ZNF518A: variants seen among roughly 807,000 people sequenced by gnomAD.
The protein encoded by ZNF518A is zinc finger protein 518.
In ZNF518A, 47 loss-of-function variants were observed where a neutral mutation model predicts 102.7. The observed-to-expected ratio is 0.46, with a 90% CI of 0.36 to 0.58. The LOEUF is 0.58. Among genes scored for constraint, ZNF518A ranks in the 20% least tolerant of loss-of-function variants. ZNF518A has a pLI of 0.00. For synonymous variants in ZNF518A, 652 were observed against 594.6 expected (o/e 1.10, Z -1.40); for missense variants, 1,793 against 1,699.8 (o/e 1.05, Z -0.96).
In ZNF518A at chr10:96,162,437, T is replaced by C. The variant is rs2083034859; in HGVS notation, c.*1663T>C. ...TACATATGTCAACTGTAACAGTAGG[T>C]CCCAAATGGGCCCATTCCCCTAATA... On this transcript the variant is annotated 3_prime_UTR_variant, in exon 6 of 6. Transcript: ENST00000316045. 6 of 166,954 alleles carry C rather than the reference T, an allele frequency of 3.6e-5. 1 individual carries two copies. In the South Asian group the frequency reaches 1.2e-3, roughly 35 times the overall value. The allele number at this position is 166,954 out of a possible 1,614,324, so 10.3% of individuals were successfully genotyped here. A position where few individuals can be genotyped will look rare whatever the true frequency, so the allele number is the denominator to read the frequency against.
intron 1 of ZNF518A, among the ~76,000 whole-genome samples, chr10:96,194,492 AGAG>A (rs1218208549): frequency 6.6e-6 from 1 of 152,224 alleles, no homozygotes; most frequent in African/African-American, 2.4e-5. Flanking sequence ...AAGCAAAAAT[AGAG>A]AAGACAATAT....
In ZNF518A at chr10:96,156,676, T is replaced by G; in HGVS notation, c.354T>G (p.Asn118Lys). ...EGVKMSAKIL[N>K]FSCLKCRDNT... ...TAAAAATGTCTGCAAAAATACTCAATTTCAGCTGTTTAAAATGCCGAGACA... is the reference window on the plus strand; with the variant it reads ...TAAAAATGTCTGCAAAAATACTCAAGTTCAGCTGTTTAAAATGCCGAGACA... The change falls in exon 6 of 6, where the codon AAT becomes AAG. Residue 118 changes from asparagine (N) to lysine (K), a missense_variant. By Grantham distance (94) the Asn-to-Lys change is moderately conservative. Transcript: ENST00000316045. 6.2e-7 allele frequency: 1 copy of G among 1,613,794 alleles called. No homozygotes were observed. Among genetic ancestry groups the G allele is most frequent in the East Asian group, 2.2e-5 (1 of 44,870 alleles).
At chr10:96,136,815 T>G (rs2081619784) in intron 3 of ZNF518A, among the ~76,000 whole-genome samples, 1 of 152,228 alleles carries the variant, frequency 6.6e-6, no homozygotes, top group Admixed American at 6.5e-5. Flanking sequence ...CTTGCCTACC[T>G]TCTTTCCTCA....
downstream of ZNF518A, chr10:96,204,634 T>C (rs781988099): frequency 3.7e-6 from 6 of 1,612,468 alleles, no homozygotes; most frequent in South Asian, 1.1e-5. Flanking sequence ...AGGAAAATTA[T>C]CATATTAGGA....
At position 96,183,620 on chromosome 10, in the gene ZNF518A, G is replaced by A. The variant is rs149855964; in HGVS notation, n.36-19954G>A. On this transcript the variant is annotated intron_variant and non_coding_transcript_variant, in intron 1 of 2. Transcript: ENST00000442635. ...TTGTTCAGTTTCCATGTAGTTGAGC[G>A]GTTTTGAGTGAGTTTCTTAATCCTG... Among the ~76,000 whole-genome samples, 824 of 152,222 alleles carry A rather than the reference G, an allele frequency of 5.4e-3. 6 individuals are homozygous for A. The highest frequency in any genetic ancestry group is 0.013 in the South Asian group (62 of 4,812).
intron 3 of ZNF518A, among the ~76,000 whole-genome samples, chr10:96,140,966 G>A (rs1234426011): frequency 6.6e-6 from 1 of 152,022 alleles, no homozygotes; most frequent in African/African-American, 2.4e-5. Flanking sequence ...GGGGGGTTGT[G>A]GGAGTGATTT....
chr10:96,137,068 C>T (rs1287663036), intron 3 of ZNF518A, among the ~76,000 whole-genome samples: 7 of 152,198 alleles, frequency 4.6e-5, no homozygotes, highest in African/African-American at 7.2e-5. Context: ...GCCTGCAGGC[C>T]GTCATTTCAT....
chr10:96,157,512 C>T lies in ZNF518A; in HGVS notation c.1190C>T (p.Ser397Phe), dbSNP rs2082753171. 1 of 1,613,798 alleles carries T rather than the reference C, an allele frequency of 6.2e-7. No individual in the cohort carries two copies. Among genetic ancestry groups the T allele is most frequent in the Non-Finnish European group, 8.5e-7 (1 of 1,179,768 alleles). The change falls in exon 6 of 6, where the codon TCC (serine) becomes TTC (phenylalanine). Residue 397 changes from serine to phenylalanine, a missense_variant. By Grantham distance (155) the Ser-to-Phe change is radical (BLOSUM62 -2). Around this residue, in one of 3 missense-constraint regions of ZNF518A, gnomAD observed 1,741 missense variants for 1,622.6 expected, o/e 1.07. Coordinates refer to ENST00000316045, the MANE Select transcript of ZNF518A (RefSeq NM_001330736.2). The stretch of plus-strand genomic sequence containing the variant: ...GAGTCAGAGAAGCCAACTCCTCTGT[C>T]CACTGGGCAAGGTAATAGAGCTGAA... ...ESESEKPTPL[S>F]TGQGNRAEEG...
intron 1 of ZNF518A, among the ~76,000 whole-genome samples, chr10:96,172,274 T>A (rs1224353762): frequency 6.6e-6 from 1 of 152,096 alleles, no homozygotes; most frequent in Non-Finnish European, 1.5e-5. Context: ...TGCATATAAT[T>A]GTATTTTGGG....
intron 3 of ZNF518A, among the ~76,000 whole-genome samples, chr10:96,141,821 C>T (rs2133312604): frequency 6.6e-6 from 1 of 150,528 alleles, no homozygotes; most frequent in East Asian, 2.0e-4. Flanking sequence ...CTTGCTGCAA[C>T]CTCTGCCACC....
rs782557606 is a variant in ZNF518A at position 96,159,076 on chromosome 10, G to A, written c.2754G>A (p.Gln918=). Residue 918 remains glutamine, a synonymous_variant, in exon 6 of 6, where the codon CAG becomes CAA. Coordinates refer to ENST00000316045, the MANE Select transcript of ZNF518A (RefSeq NM_001330736.2). ...AAAATTTAGGTTCTTTTTATATGCA[G>A]AGTCCACTTTTAAATTCAGAACAAA... is the stretch of plus-strand genomic sequence containing the variant. ...TTQNLGSFYM[Q]SPLLNSEQKK... is the part of the protein sequence containing the mutation. The A allele has an allele frequency of 1.2e-5, 20 of 1,613,082 alleles. No individual in the cohort carries two copies. Among genetic ancestry groups the A allele is most frequent in the Non-Finnish European group, 1.7e-5 (20 of 1,179,672 alleles).
chr10:96,183,720 T>A (rs1554892246), intron 1 of ZNF518A, among the ~76,000 whole-genome samples: 1 of 152,130 alleles, frequency 6.6e-6, no homozygotes, highest in African/African-American at 2.4e-5. Flanking sequence ...TGCTGAGGAG[T>A]GCTTTACTTC....
At position 96,159,145 on chromosome 10, in the gene ZNF518A, A is replaced by G. The variant is rs1564781458; in HGVS notation, c.2823A>G (p.Pro941=). The G allele has an allele frequency of 6.2e-7, 1 of 1,613,456 alleles. No homozygotes were observed. The change falls in exon 6 of 6, where the codon CCA becomes CCG. Residue 941 remains proline (P), a synonymous_variant. Transcript: ENST00000316045. ...IVQTSKGFLI[P]LNITNKPGLP... is the part of the protein sequence containing the mutation. ...AGACTTCAAAAGGATTCTTAATACCATTGAACATTACTAACAAGCCTGGGC... is the reference window on the plus strand; with the variant it reads ...AGACTTCAAAAGGATTCTTAATACCGTTGAACATTACTAACAAGCCTGGGC...
At position 96,157,466 on chromosome 10, in the gene ZNF518A, A is replaced by G. The variant is rs1554883474; in HGVS notation, c.1144A>G (p.Asn382Asp). 6 of 1,613,754 alleles carry G rather than the reference A, an allele frequency of 3.7e-6. No individual in the cohort carries two copies. Among genetic ancestry groups the G allele is most frequent in the Non-Finnish European group, 4.2e-6 (5 of 1,179,760 alleles). The change falls in exon 6 of 6, where the codon AAT becomes GAT. Residue 382 changes from asparagine to aspartate, a missense_variant. Transcript: ENST00000316045. ...GGATGAAAGACTACACTGTGAGAATAATGATAAAGCCCCTGAATCAGAGTC... is the reference window on the plus strand; with the variant it reads ...GGATGAAAGACTACACTGTGAGAATGATGATAAAGCCCCTGAATCAGAGTC... ...EKDERLHCENNDKAPESESEK... is the reference protein window; with the variant it reads ...EKDERLHCENDDKAPESESEK...
intron 3 of ZNF518A, among the ~76,000 whole-genome samples, chr10:96,133,950 TC>T (rs1485896461): frequency 6.6e-6 from 1 of 152,234 alleles, no homozygotes; most frequent in Non-Finnish European, 1.5e-5. Context: ...TTGTTTGACT[TC>T]CTACCACGAG....
rs1554883002 is a variant in ZNF518A, at chr10:96,157,097, A to C, written c.775A>C (p.Thr259Pro). 1 of 1,613,852 alleles carries C rather than the reference A, an allele frequency of 6.2e-7. No homozygotes were observed. Among genetic ancestry groups the C allele is most frequent in the South Asian group, 1.1e-5 (1 of 91,068 alleles). ...LQKHLHIHSGTFPFTCQYCSY... is the reference protein window; with the variant it reads ...LQKHLHIHSGPFPFTCQYCSY... ...GAAGCACCTTCATATTCATTCTGGT[A>C]CTTTTCCCTTCACTTGTCAATATTG... is the stretch of plus-strand genomic sequence containing the variant. Residue 259 changes from threonine to proline, a missense_variant, in exon 6 of 6, where the codon ACT becomes CCT. This residue lies in a region of ZNF518A where 1,741 missense variants were observed against 1,622.6 expected (regional missense o/e 1.07). Coordinates refer to ENST00000316045, the MANE Select transcript of ZNF518A (RefSeq NM_001330736.2).
At chr10:96,191,911 C>T (rs1591285378) in intron 1 of ZNF518A, 2 of 1,606,018 alleles carry the variant, frequency 1.2e-6, no homozygotes, top group Non-Finnish European at 1.7e-6. Flanking sequence ...GGGACTTTTT[C>T]TCAAAAGGAG....
At chr10:96,144,593 A>G (rs1298054471) in intron 3 of ZNF518A, among the ~76,000 whole-genome samples, 5 of 152,228 alleles carry the variant, frequency 3.3e-5, no homozygotes, top group Non-Finnish European at 5.9e-5. Context: ...CAGAAATCAT[A>G]GAAGAACTTG....
chr10:96,194,780 T>TTTTTTG (rs1421399570), intron 1 of ZNF518A, among the ~76,000 whole-genome samples: 5 of 142,636 alleles, frequency 3.5e-5, no homozygotes, highest in Non-Finnish European at 6.2e-5. Context: ...TTTTTTTTTT[T>TTTTTTG]TTTTTTTTGA....
Sources: gnomAD v4.1 joint callset for allele counts (sites outside exome capture counted in the v4.1 genomes callset) on GRCh38, gnomAD v4.1.1 for gene constraint, gnomAD v4.1.1 regional missense constraint, MANE v1.5 for transcripts, NCBI Gene and HGNC (gene_info 2026-07-23, HGNC 2026-07-21) for gene names.